The following MRPL42 variants were observed in gnomAD, a reference collection of about 807,000 sequenced individuals.
The protein encoded by MRPL42 is large ribosomal subunit protein mL42.
A neutral mutation model predicts 17.9 loss-of-function variants in MRPL42; 17 were observed. The observed-to-expected ratio is 0.95, with a 90% CI of 0.65 to 1.42. The LOEUF is 1.42. MRPL42 is among the 40% of genes most tolerant of loss of function. The pLI is 0.00. For synonymous variants in MRPL42, 59 were observed against 54.4 expected (o/e 1.08, Z -0.37); for missense variants, 177 against 175.2 (o/e 1.01, Z -0.06).
intron 1 of MRPL42, among the ~76,000 whole-genome samples, chr12:93,467,853 C>T (rs191064895): frequency 1.2e-4 from 18 of 152,234 alleles, no homozygotes; most frequent in African/African-American, 4.1e-4. Context: ...AACCTCTGAC[C>T]CTCAGAGGCT....
rs1009788765 is a variant in MRPL42 at position 93,509,479 on chromosome 12, G to T, written c.*8258G>T. On this transcript the variant is annotated 3_prime_UTR_variant, in exon 6 of 6. Transcript: ENST00000549982. ...TTTTTTTTTCTTAGCACTTAAAAAA[G>T]ACTTTTTGCCAGGCACAGTGGCACA... 2.6e-5 allele frequency: 4 copies of T among 150,972 alleles called. No individual in the cohort carries two copies. Among genetic ancestry groups the T allele is most frequent in the African/African-American group, 7.3e-5 (3 of 41,064 alleles). 9.4% of individuals were successfully genotyped at this position (150,972 alleles called of 1,614,324 possible). A position where few individuals can be genotyped will look rare whatever the true frequency, so the allele number is the denominator to read the frequency against.
chr12:93,478,977 G>T (rs1460547126), intron 3 of MRPL42, among the ~76,000 whole-genome samples: 1 of 149,726 alleles, frequency 6.7e-6, no homozygotes, highest in Non-Finnish European at 1.5e-5. Context: ...TTTTGCCCAG[G>T]CTGGAGTGCA....
At chr12:93,494,596 G>C (rs1222839325) in intron 5 of MRPL42, among the ~76,000 whole-genome samples, 1 of 152,174 alleles carries the variant, frequency 6.6e-6, no homozygotes, top group Non-Finnish European at 1.5e-5. Flanking sequence ...CCAAGTTAAG[G>C]ATACCTACTA....
intron 4 of MRPL42, 57 bp from the exon 5 acceptor site, chr12:93,487,440 C>G (rs1880798100): frequency 1.3e-6 from 2 of 1,490,752 alleles, no homozygotes; most frequent in African/African-American, 1.4e-5. Flanking sequence ...TGATCTCAAA[C>G]AAATGCTGGC....
intron 4 of MRPL42, among the ~76,000 whole-genome samples, chr12:93,480,503 A>G (rs1359472088): frequency 6.6e-6 from 1 of 150,434 alleles, no homozygotes; most frequent in African/African-American, 2.4e-5. Flanking sequence ...AAAAATCATC[A>G]TTAGGGTCAG....
At chr12:93,479,174 T>C (rs10777515) in intron 3 of MRPL42, among the ~76,000 whole-genome samples, 107,017 of 151,010 alleles carry the variant, frequency 0.71, 38,229 homozygotes, top group African/African-American at 0.76. Flanking sequence ...CTGCCCACCT[T>C]GGCCTTACAA....
In MRPL42 at chr12:93,515,960, C is replaced by T. The variant is rs1466752977; in HGVS notation, c.*14739C>T. 6.6e-6 allele frequency: 1 copy of T among 152,214 alleles called. No individual in the cohort carries two copies. The highest frequency in any genetic ancestry group is 1.5e-5 in the Non-Finnish European group (1 of 68,050). The allele number at this position is 152,214 out of a possible 1,614,324, so 9.4% of individuals were successfully genotyped here. A position where few individuals can be genotyped will look rare whatever the true frequency, so the allele number is the denominator to read the frequency against. ...CTCTCTCAGCTAAAATGAGCAACTGCTACTTTACCAGTGACAGCTTTGTCC... is the reference window on the plus strand; with the variant it reads ...CTCTCTCAGCTAAAATGAGCAACTGTTACTTTACCAGTGACAGCTTTGTCC... On this transcript the variant is annotated 3_prime_UTR_variant, in exon 6 of 6. Transcript: ENST00000549982.
At position 93,485,005 on chromosome 12, in the gene MRPL42, T is replaced by TATATATACAC. The variant is rs1565813858; in HGVS notation, c.220-2485_220-2484insCACATATATA. On this transcript the variant is annotated intron_variant, in intron 4 of 5. Transcript: ENST00000549982. ...ATATATATATATATATATATATATA[T>TATATATACAC]ATATATATATATATATATATATAAA... Among the ~76,000 whole-genome samples the TATATATACAC allele has an allele frequency of 2.5e-3, 125 of 49,700 alleles. 20 individuals carry two copies. The highest frequency in any genetic ancestry group is 0.012 in the African/African-American group (120 of 10,414). The allele number at this position is 49,700 out of a possible 152,430, so 32.6% of individuals were successfully genotyped here. A position where few individuals can be genotyped will look rare whatever the true frequency, so the allele number is the denominator to read the frequency against.
intron 5 of MRPL42, among the ~76,000 whole-genome samples, chr12:93,491,674 A>C (rs1237570015): frequency 6.6e-6 from 1 of 152,128 alleles, no homozygotes; most frequent in Admixed American, 6.5e-5. Flanking sequence ...ACACAAGGGT[A>C]TATTGTGTGA....
rs1953721654 is a variant in MRPL42 at position 93,511,104 on chromosome 12, C to G, written c.*9883C>G. On this transcript the variant is annotated 3_prime_UTR_variant, in exon 6 of 6. Transcript: ENST00000549982. ...AATAAATGAAAACCAATAGATTGTT[C>G]TAGTTTTACTCATAAATATAATTCT... The G allele has an allele frequency of 6.6e-6, 1 of 152,106 alleles. No individual in the cohort carries two copies. Among genetic ancestry groups the G allele is most frequent in the Admixed American group, 6.5e-5 (1 of 15,272 alleles). The allele number at this position is 152,106 out of a possible 1,614,324, so 9.4% of individuals were successfully genotyped here.
chr12:93,469,619 A>G (rs1339411791), intron 2 of MRPL42, among the ~76,000 whole-genome samples: 2 of 137,558 alleles, frequency 1.5e-5, no homozygotes, highest in Non-Finnish European at 3.2e-5. Flanking sequence ...CAACATAGCA[A>G]GACCCCCACC....
At chr12:93,485,363 A>G (rs989529297) in intron 4 of MRPL42, among the ~76,000 whole-genome samples, 8 of 148,938 alleles carry the variant, frequency 5.4e-5, no homozygotes, top group African/African-American at 1.5e-4. Flanking sequence ...AGCGTCTCCA[A>G]CTCCTGAGCT....
intron 5 of MRPL42, among the ~76,000 whole-genome samples, chr12:93,494,270 G>T (rs886140334): frequency 2.6e-5 from 4 of 152,202 alleles, no homozygotes; most frequent in Non-Finnish European, 1.5e-5. Flanking sequence ...CAAACAGACT[G>T]CAGCAAAGCA....
Position 93,469,464 on chromosome 12 carries a change from G to A in MRPL42, c.70+109G>A, listed in dbSNP as rs1348404152. 6.6e-6 allele frequency: 5 copies of A among 751,894 alleles called. No individual in the cohort carries two copies. The African/African-American group carries it at 8.9e-5, about 13-fold the overall frequency. The allele number at this position is 751,894 out of a possible 1,614,324, so 46.6% of individuals were successfully genotyped here. ...CCTGTAATTTGCAGGAGTGTTTGCA[G>A]CAATGGAAAGTGGGAGAAAACCTAA... On this transcript the variant is annotated intron_variant, in intron 2 of 5. Coordinates refer to ENST00000549982, the MANE Select transcript of MRPL42 (RefSeq NM_014050.4).
At chr12:93,485,527 T>C (rs73367742) in intron 4 of MRPL42, among the ~76,000 whole-genome samples, 1,895 of 147,176 alleles carry the variant, frequency 0.013, 44 homozygotes, top group African/African-American at 0.045. Context: ...TGGTAGAATG[T>C]AGTTGTCACT....
At position 93,503,979 on chromosome 12, in the gene MRPL42, A is replaced by G. The variant is rs1458384590; in HGVS notation, c.*2758A>G. On this transcript the variant is annotated 3_prime_UTR_variant, in exon 6 of 6. Coordinates refer to ENST00000549982, the MANE Select transcript of MRPL42 (RefSeq NM_014050.4). ...TGGATTATTACCATTTTCTTTTTTT[A>G]TTTTTTTTTTAAATTTATTTCTTCT... The G allele has an allele frequency of 7.4e-6, 1 of 135,116 alleles. No individual in the cohort carries two copies. The highest frequency in any genetic ancestry group is 2.8e-5 in the African/African-American group (1 of 36,036). 8.4% of individuals were successfully genotyped at this position (135,116 alleles called of 1,614,324 possible). A position where few individuals can be genotyped will look rare whatever the true frequency, so the allele number is the denominator to read the frequency against.
chr12:93,494,633 G>A (rs955489468), intron 5 of MRPL42, among the ~76,000 whole-genome samples: 1 of 152,182 alleles, frequency 6.6e-6, no homozygotes, highest in Non-Finnish European at 1.5e-5. Context: ...AGTTGGATAT[G>A]TAAGTCTAGA....
intron 3 of MRPL42, among the ~76,000 whole-genome samples, chr12:93,478,889 C>T (rs2121193805): frequency 6.6e-6 from 1 of 151,514 alleles, no homozygotes; most frequent in Admixed American, 6.6e-5. Context: ...GTATCTTCAG[C>T]AATTTGTGAT....
intron 2 of MRPL42, among the ~76,000 whole-genome samples, chr12:93,473,569 T>C (rs2121170145): frequency 6.6e-6 from 1 of 152,252 alleles, no homozygotes; most frequent in Admixed American, 6.5e-5. Context: ...GTAGCTGGGA[T>C]TATAGGCATG....
Sources: allele counts gnomAD v4.1 joint callset (sites outside exome capture counted in the v4.1 genomes callset), GRCh38; gene constraint gnomAD v4.1.1; transcripts MANE v1.5; gene names NCBI Gene and HGNC (gene_info 2026-07-23, HGNC 2026-07-21).